SOCS5: variants seen among roughly 807,000 people sequenced by gnomAD.
SOCS5 encodes the protein CIS-6.
Under a neutral mutation model 42.8 loss-of-function variants are expected in SOCS5, and 32 were observed. That is an observed-to-expected ratio of 0.75 (90% CI 0.56 to 1.01). The LOEUF is 1.01. Among genes scored for constraint, SOCS5 ranks in the 50% least tolerant of loss-of-function variants. The pLI is 0.00. For missense variants in SOCS5, 627 were observed against 653.0 expected (o/e 0.96, Z 0.43); for synonymous variants, 283 against 229.6 (o/e 1.23, Z -2.10).
At chr2:46,733,652 A>G (rs2103731023) in intron 1 of SOCS5, among the ~76,000 whole-genome samples, 1 of 152,324 alleles carries the variant, frequency 6.6e-6, no homozygotes, top group Non-Finnish European at 1.5e-5. Context: ...TCAAGGTTAA[A>G]AAAAGCTATA....
Position 46,759,447 on chromosome 2 carries a change from G to T in SOCS5, c.917G>T (p.Gly306Val). 1 of 1,613,952 alleles carries T rather than the reference G, an allele frequency of 6.2e-7. No homozygotes were observed. Among genetic ancestry groups the T allele is most frequent in the Non-Finnish European group, 8.5e-7 (1 of 1,179,850 alleles). ...AAACTGGGACCAAAATTAGCTCCTG[G>T]AATGACTGAAATAAGTGGGGACAGT... Reference protein sequence around the residue: ...LYKLGPKLAPGMTEISGDSSA... With the variant: ...LYKLGPKLAPVMTEISGDSSA... The change falls in exon 2 of 2, where the codon GGA (glycine) becomes GTA (valine). Residue 306 changes from glycine to valine, a missense_variant. Gly to Val is a moderately radical substitution (Grantham distance 109, BLOSUM62 -3). Coordinates refer to ENST00000394861, the MANE Select transcript of SOCS5 (RefSeq NM_144949.3).
intron 1 of SOCS5, among the ~76,000 whole-genome samples, chr2:46,713,715 T>C (rs910891497): frequency 4.6e-5 from 7 of 152,206 alleles, no homozygotes; most frequent in African/African-American, 1.7e-4. Flanking sequence ...TTTGCTCTTT[T>C]TTCCCTAGTT....
intron 1 of SOCS5, among the ~76,000 whole-genome samples, chr2:46,729,140 A>G (rs759173608): frequency 6.6e-6 from 1 of 152,238 alleles, no homozygotes; most frequent in African/African-American, 2.4e-5. Context: ...TTTCTTAGCA[A>G]AACCTTAATA....
chr2:46,758,431 G>T (rs1395367227), intron 1 of SOCS5, 88 bp from the exon 2 acceptor site: 1 of 837,174 alleles, frequency 1.2e-6, no homozygotes, highest in Non-Finnish European at 1.9e-6. Context: ...TGAAATTCTG[G>T]ACGGGAAGGG....
At chr2:46,706,561 C>T (rs183269900) in intron 1 of SOCS5, among the ~76,000 whole-genome samples, 117 of 152,038 alleles carry the variant, frequency 7.7e-4, no homozygotes, top group African/African-American at 2.7e-3. Flanking sequence ...TCTGGTGACC[C>T]CTGACATTTC....
intron 1 of SOCS5, among the ~76,000 whole-genome samples, chr2:46,741,471 A>T (rs951798083): frequency 6.6e-6 from 1 of 152,198 alleles, no homozygotes; most frequent in Non-Finnish European, 1.5e-5. Flanking sequence ...CCTGGCCCCA[A>T]GATCTACTTC....
chr2:46,722,366 G>T (rs536486139), intron 1 of SOCS5, among the ~76,000 whole-genome samples: 6 of 152,244 alleles, frequency 3.9e-5, no homozygotes, highest in Admixed American at 3.9e-4. Context: ...TCCAGAGTCT[G>T]CTTTTTCAAT....
intron 1 of SOCS5, among the ~76,000 whole-genome samples, chr2:46,749,030 A>G (rs1194379287): frequency 6.6e-6 from 1 of 152,160 alleles, no homozygotes; most frequent in Admixed American, 6.5e-5. Flanking sequence ...ACCACCTTTT[A>G]TATTAAGGGA....
chr2:46,733,891 T>G lies in SOCS5; in HGVS notation c.-12-24628T>G, dbSNP rs73926572. On this transcript the variant is annotated intron_variant, in intron 1 of 1. Transcript: ENST00000394861. ...AAAGCAGGAATATCAGGTTAAAACA[T>G]AAAAACCATGTCCTACAGTTTTCTA... 4.0e-3 allele frequency among the ~76,000 whole-genome samples: 605 copies of G among 152,274 alleles called. 5 individuals are homozygous for G. Among genetic ancestry groups the G allele is most frequent in the African/African-American group, 0.014 (565 of 41,542 alleles).
intron 1 of SOCS5, among the ~76,000 whole-genome samples, chr2:46,732,996 A>G (rs1673158627): frequency 6.6e-6 from 1 of 151,780 alleles, no homozygotes; most frequent in African/African-American, 2.4e-5. Context: ...ATAATTGGAG[A>G]GATTTTAACA....
intron 1 of SOCS5, among the ~76,000 whole-genome samples, chr2:46,731,203 C>T (rs980216571): frequency 1.3e-5 from 2 of 152,086 alleles, no homozygotes; most frequent in African/African-American, 2.4e-5. Flanking sequence ...GGAGGTGGAG[C>T]CTTTGAGAGG....
At chr2:46,744,526 G>T (rs535446920) in intron 1 of SOCS5, among the ~76,000 whole-genome samples, 6 of 151,350 alleles carry the variant, frequency 4.0e-5, no homozygotes, top group African/African-American at 1.2e-4. Flanking sequence ...AAATAATAAA[G>T]ACTTTTTTTT....
intron 1 of SOCS5, among the ~76,000 whole-genome samples, chr2:46,704,975 A>T (rs1180935261): frequency 6.6e-6 from 1 of 152,188 alleles, no homozygotes. Context: ...GGCTTCCAGG[A>T]AGGTGAACAA....
At chr2:46,730,429 C>T (rs750274885) in intron 1 of SOCS5, among the ~76,000 whole-genome samples, 77 of 151,918 alleles carry the variant, frequency 5.1e-4, no homozygotes, top group Non-Finnish European at 6.8e-4. Flanking sequence ...GGTGAAACCC[C>T]GTCTCTACTA....
intron 1 of SOCS5, among the ~76,000 whole-genome samples, chr2:46,700,170 CAG>C (rs1180711186): frequency 1.3e-5 from 2 of 152,250 alleles, no homozygotes; most frequent in South Asian, 4.1e-4. Context: ...GCTAAAAAAA[CAG>C]TGTAAATACA....
chr2:46,725,830 C>G (rs1055088947), intron 1 of SOCS5, among the ~76,000 whole-genome samples: 16 of 152,102 alleles, frequency 1.1e-4, no homozygotes, highest in African/African-American at 3.9e-4. Context: ...CATAATTTTA[C>G]CTTTATTCAA....
chr2:46,726,866 C>G (rs1486473886), intron 1 of SOCS5, among the ~76,000 whole-genome samples: 1 of 151,584 alleles, frequency 6.6e-6, no homozygotes, highest in Non-Finnish European at 1.5e-5. Context: ...AAGCGATTCT[C>G]CTGCCTCAGC....
At chr2:46,745,300 C>T (rs985599601) in intron 1 of SOCS5, among the ~76,000 whole-genome samples, 2 of 152,128 alleles carry the variant, frequency 1.3e-5, no homozygotes, top group Admixed American at 1.3e-4. Context: ...ATACCTTAAA[C>T]TGTGTAGAAG....
chr2:46,758,920 A>C lies in SOCS5; in HGVS notation c.390A>C (p.Thr130=), dbSNP rs753813553. 1.9e-6 allele frequency: 3 copies of C among 1,614,052 alleles called. No individual in the cohort carries two copies. Among genetic ancestry groups the C allele is most frequent in the Non-Finnish European group, 2.5e-6 (3 of 1,179,892 alleles). ...GGAAGAAAAAACATTCCTGTTCTAC[A>C]AAGACCCAGAGTTCATTGGATGCTG... ...WGGKKKHSCS[T]KTQSSLDADK... Residue 130 remains threonine (T), a synonymous_variant, in exon 2 of 2, where the codon ACA becomes ACC. Transcript: ENST00000394861.
Sources: gnomAD v4.1 joint callset for allele counts (sites outside exome capture counted in the v4.1 genomes callset) on GRCh38, gnomAD v4.1.1 for gene constraint, MANE v1.5 for transcripts, NCBI Gene and HGNC (gene_info 2026-07-23, HGNC 2026-07-21) for gene names.